Variants in TRPM5 observed in about 807,000 individuals in gnomAD.
TRPM5 encodes the protein transient receptor potential cation channel subfamily M member 5.
Under a neutral mutation model 124.9 loss-of-function variants are expected in TRPM5, and 121 were observed. The observed-to-expected ratio is 0.97, with a 90% CI of 0.84 to 1.13. TRPM5 has a LOEUF of 1.13. TRPM5 is among the 50% of genes most tolerant of loss of function. The pLI is 0.00. For missense variants in TRPM5, 1,643 were observed against 1,589.1 expected (o/e 1.03, Z -0.58); for synonymous variants, 781 against 700.5 (o/e 1.11, Z -1.81).
At chr11:2,411,601 TCCAGGGCCAGGG>T in intron 17 of TRPM5, 22 bp downstream of exon 22, 2 of 1,610,700 alleles carry the variant, frequency 1.2e-6, no homozygotes, top group South Asian at 2.2e-5. Flanking sequence ...TTGCTGTCCC[TCCAGGGCCAGGG>T]CCAGGGCCCC....
At chr11:2,437,293 T>C in the TRPM5 span, among the ~76,000 whole-genome samples, 1 of 152,172 alleles carries the variant, frequency 6.6e-6, no homozygotes, top group Non-Finnish European at 1.5e-5. This position sits in a 1 kb window ranked among gnomAD's most constrained non-coding sequence, Gnocchi z 5.6. Context: ...AAGCTGTGAA[T>C]TGGGAGACAG....
exon 13 of TRPM5, chr11:2,413,509 G>GTAT: frequency 2.5e-6 from 4 of 1,612,206 alleles, no homozygotes; most frequent in Non-Finnish European, 3.4e-6. Flanking sequence ...GACGAGGGCG[G>GTAT]GGCAGAGGAA....
chr11:2,410,586 G>A (rs1426606818), intron 18 of TRPM5: 5 of 421,386 alleles, frequency 1.2e-5, no homozygotes, highest in African/African-American at 6.2e-5. Flanking sequence ...GGCCTGCACA[G>A]GTCCCTGCCC....
At chr11:2,430,938 GTGA>G in the TRPM5 span, among the ~76,000 whole-genome samples, 238 of 152,066 alleles carry the variant, frequency 1.6e-3, 1 homozygote, top group African/African-American at 5.5e-3. Context: ...GGAGGTGGTA[GTGA>G]TGATGGTGGT....
chr11:2,418,092 G>A (rs1162749214), intron 6 of TRPM5, 75 bp downstream of exon 11: 9 of 1,369,222 alleles, frequency 6.6e-6, no homozygotes, highest in South Asian at 1.4e-5. Context: ...AGGCTGCATT[G>A]CAGGAACTCT....
chr11:2,423,615 CAGAG>C (rs1273646212), upstream of TRPM5, among the ~76,000 whole-genome samples: 1 of 152,188 alleles, frequency 6.6e-6, no homozygotes, highest in Non-Finnish European at 1.5e-5. Flanking sequence ...CCAGGACACA[CAGAG>C]AGAGGAGGCC....
At chr11:2,415,918 G>A (rs1397900299) in exon 8 of TRPM5, 13 of 1,574,398 alleles carry the variant, frequency 8.3e-6, no homozygotes, top group Admixed American at 5.5e-5. Context: ...TCCACTCCAC[G>A]TCCCCATTGA....
At chr11:2,425,225 A>T (rs1262470321), upstream of TRPM5, among the ~76,000 whole-genome samples, 1 of 152,062 alleles carries the variant, frequency 6.6e-6, no homozygotes, top group African/African-American at 2.4e-5. Flanking sequence ...CAACAAATGG[A>T]TGATCTCATA....
At chr11:2,413,451 C>T (rs370843616) in intron 13 of TRPM5, 25 bp downstream of exon 18, 126 of 1,587,386 alleles carry the variant, frequency 7.9e-5, no homozygotes, top group Admixed American at 2.3e-4. Flanking sequence ...CTGTCCTGGC[C>T]GGGCAGCTCA....
the TRPM5 span, among the ~76,000 whole-genome samples, chr11:2,434,500 T>C: frequency 6.6e-6 from 1 of 151,660 alleles, no homozygotes. Context: ...GCACTGTGTG[T>C]GTGTGTGTGG....
chr11:2,412,793 G>C lies in TRPM5; in HGVS notation c.2316C>G (p.Tyr772Ter), dbSNP rs1850478184. Residue 772 changes from tyrosine to a stop codon, truncating the protein, a stop_gained, in exon 15 of 24, where the codon TAC (tyrosine) becomes TAG (stop). Coordinates refer to ENST00000155858, the Ensembl canonical transcript of TRPM5. LOFTEE classifies it high-confidence loss of function. ...CCAGCACCAGCGTAAAGACCCAGAA[G>C]TAGAGGGTGACCTCGGGCCCTGAGG... is the stretch of plus-strand genomic sequence containing the variant. 5 of 1,608,438 alleles carry C rather than the reference G, an allele frequency of 3.1e-6. No individual in the cohort carries two copies. The highest frequency in any genetic ancestry group is 4.2e-6 in the Non-Finnish European group (5 of 1,178,206).
the TRPM5 span, among the ~76,000 whole-genome samples, chr11:2,436,788 C>T: frequency 6.6e-6 from 1 of 152,246 alleles, no homozygotes; most frequent in East Asian, 1.9e-4. Context: ...ATGGGCTGGG[C>T]CCAGGTGGGA....
the TRPM5 span, among the ~76,000 whole-genome samples, chr11:2,441,686 G>A: frequency 6.6e-6 from 1 of 152,006 alleles, no homozygotes; most frequent in Non-Finnish European, 1.5e-5. The surrounding 1 kb of genome is among the most constrained non-coding windows in gnomAD (Gnocchi z 7.2). Context: ...TCCCTAGTGA[G>A]TTATTAGAAT....
chr11:2,430,614 G>A, the TRPM5 span, among the ~76,000 whole-genome samples: 5 of 151,954 alleles, frequency 3.3e-5, no homozygotes, highest in Non-Finnish European at 5.9e-5. Flanking sequence ...TTTGGTGGTG[G>A]TGATGTTGGT....
intron 23 of TRPM5, 68 bp from the exon 29 acceptor site, chr11:2,405,111 G>T (rs1286955840): frequency 5.7e-6 from 8 of 1,402,402 alleles, no homozygotes; most frequent in Non-Finnish European, 7.9e-6. Context: ...GGGAGAGGTA[G>T]CTGGCTCAGA....
chr11:2,407,189 C>T (rs1850341221), exon 20 of TRPM5: 8 of 1,611,292 alleles, frequency 5.0e-6, no homozygotes, highest in African/African-American at 1.3e-5. Flanking sequence ...GGTGGCTGAG[C>T]AGGATGAAGG....
intron 5 of TRPM5, 25 bp from the exon 11 acceptor site, chr11:2,418,383 C>G: frequency 6.5e-7 from 1 of 1,537,860 alleles, no homozygotes; most frequent in East Asian, 2.4e-5. Flanking sequence ...GAGGGGAGAG[C>G]GGACCCCAGA....
chr11:2,414,898 T>TGGGCTCACCATGGCCC lies in TRPM5; in HGVS notation c.1613_1620+8dup, dbSNP rs1232919365. On this transcript the variant is annotated intron_variant, in intron 10 of 23. Coordinates refer to ENST00000155858, the Ensembl canonical transcript of TRPM5. ...CTGCCCCCGCGCTGGGCCCGCGGCC[T>TGGGCTCACCATGGCCC]GGGCTCACCATGGCCCAGAAGTAGG... 1.2e-6 allele frequency: 2 copies of TGGGCTCACCATGGCCC among 1,602,290 alleles called. No individual in the cohort carries two copies. Among genetic ancestry groups the TGGGCTCACCATGGCCC allele is most frequent in the South Asian group, 2.2e-5 (2 of 89,632 alleles).
intron 15 of TRPM5, among the ~76,000 whole-genome samples, chr11:2,412,541 G>A (rs554055098): frequency 2.6e-5 from 4 of 152,368 alleles, no homozygotes; most frequent in South Asian, 2.1e-4. Context: ...AGACTCTGAC[G>A]AGGGAGACCA....
Sources: gnomAD v4.1 joint callset for allele counts (sites outside exome capture counted in the v4.1 genomes callset) on GRCh38, gnomAD v4.1.1 for gene constraint, Gnocchi (gnomAD v3.1) non-coding constraint, MANE v1.5 for transcripts, NCBI Gene and HGNC (gene_info 2026-07-23, HGNC 2026-07-21) for gene names.